ARHGAP21: variants seen among roughly 807,000 people sequenced by gnomAD.
ARHGAP21 encodes the protein Rho GTPase activating protein 21.
ARHGAP21 carries 38 observed loss-of-function variants against 164.6 expected under a neutral mutation model. The observed-to-expected ratio is 0.23, with a 90% CI of 0.18 to 0.30. The LOEUF (loss-of-function observed/expected upper bound fraction) is 0.30. Among genes scored for constraint, ARHGAP21 ranks in the 10% least tolerant of loss-of-function variants. The pLI, the probability that ARHGAP21 is intolerant of heterozygous loss-of-function variation, is 1.00. For missense variants in ARHGAP21, 1,822 were observed against 2,370.7 expected (o/e 0.77, Z 4.81); for synonymous variants, 766 against 857.9 (o/e 0.89, Z 1.87).
chr10:24,661,460 T>G (rs1839687778), intron 4 of ARHGAP21, among the ~76,000 whole-genome samples: 1 of 152,052 alleles, frequency 6.6e-6, no homozygotes, highest in South Asian at 2.1e-4. Flanking sequence ...AAAAGAAAAT[T>G]AAGTGGCAAA....
At chr10:24,592,570 G>T (rs2130786525) in intron 21 of ARHGAP21, among the ~76,000 whole-genome samples, 1 of 151,996 alleles carries the variant, frequency 6.6e-6, no homozygotes, top group East Asian at 1.9e-4. Flanking sequence ...CACTTTGGGG[G>T]ACCGAGTCAG....
At chr10:24,709,811 T>C (rs1388089506) in intron 2 of ARHGAP21, among the ~76,000 whole-genome samples, 2 of 147,410 alleles carry the variant, frequency 1.4e-5, no homozygotes, top group Non-Finnish European at 3.0e-5. Flanking sequence ...TACAGACCAA[T>C]ATCCCTGACG....
At chr10:24,672,909 C>G (rs957976635) in intron 2 of ARHGAP21, among the ~76,000 whole-genome samples, 1 of 151,948 alleles carries the variant, frequency 6.6e-6, no homozygotes, top group Non-Finnish European at 1.5e-5. Context: ...TTTCCATATA[C>G]TAGCAATAAG....
At chr10:24,711,477 T>C (rs770228599) in intron 2 of ARHGAP21, among the ~76,000 whole-genome samples, 1 of 152,246 alleles carries the variant, frequency 6.6e-6, no homozygotes, top group Non-Finnish European at 1.5e-5. Flanking sequence ...CATCTTCATC[T>C]GTAAAATCCT....
chr10:24,681,922 A>G (rs186172491), intron 2 of ARHGAP21, among the ~76,000 whole-genome samples: 27 of 152,278 alleles, frequency 1.8e-4, no homozygotes, highest in African/African-American at 6.5e-4. Flanking sequence ...CACTCTGACT[A>G]GACTGCCCGG....
chr10:24,692,355 C>T (rs192675907), intron 2 of ARHGAP21, among the ~76,000 whole-genome samples: 165 of 152,022 alleles, frequency 1.1e-3, no homozygotes, highest in African/African-American at 3.1e-3. Context: ...GTATAGATTA[C>T]GGGGGGAAAA....
intron 6 of ARHGAP21, 89 bp downstream of exon 6, chr10:24,633,313 C>A: frequency 4.2e-6 from 4 of 954,252 alleles, no homozygotes; most frequent in South Asian, 1.7e-5. Context: ...CACCACAATT[C>A]CTTGTAAGAA....
At chr10:24,602,172 T>C (rs2130915041) in intron 12 of ARHGAP21, 69 bp from the exon 13 acceptor site, 1 of 1,512,528 alleles carries the variant, frequency 6.6e-7, no homozygotes. Context: ...ACATGGAAAC[T>C]GCTTTGTGGA....
At position 24,612,218 on chromosome 10, in the gene ARHGAP21, C is replaced by T. The variant is rs143528503; in HGVS notation, c.2423-4315G>A. Among the ~76,000 whole-genome samples the T allele has an allele frequency of 1.6e-3, 247 of 152,172 alleles. 5 individuals are homozygous for T. In the East Asian group the frequency reaches 0.038, roughly 23 times the overall value. ...TCTGCTTTTTATTTCACCTCTGCTA[C>T]GAAGTAGTATTCCTAACCCCTCCCC... On this transcript the variant is annotated intron_variant, in intron 9 of 25. Transcript: ENST00000396432.
chr10:24,589,371 A>C (rs575054584), intron 24 of ARHGAP21, 69 bp from the exon 25 acceptor site: 1 of 1,402,942 alleles, frequency 7.1e-7, no homozygotes, highest in South Asian at 1.2e-5. Context: ...ACAATGCAAA[A>C]CTTATGGAAA....
At chr10:24,615,182 T>G (rs1367538603) in intron 9 of ARHGAP21, among the ~76,000 whole-genome samples, 2 of 152,106 alleles carry the variant, frequency 1.3e-5, no homozygotes, top group Non-Finnish European at 2.9e-5. Context: ...GAAAGTGAAA[T>G]TCCGTCTCAA....
At chr10:24,625,514 T>C (rs1289272404) in intron 7 of ARHGAP21, among the ~76,000 whole-genome samples, 1 of 139,508 alleles carries the variant, frequency 7.2e-6, no homozygotes, top group East Asian at 2.2e-4. Context: ...TTCTTTTTAT[T>C]ATACCTTTCT....
At chr10:24,664,554 CAA>C (rs905581787) in intron 4 of ARHGAP21, among the ~76,000 whole-genome samples, 2 of 136,332 alleles carry the variant, frequency 1.5e-5, no homozygotes, top group African/African-American at 2.6e-5. Flanking sequence ...GATTCCGTCT[CAA>C]AAAAAAAAAA....
At chr10:24,640,306 A>G (rs1414454511) in intron 4 of ARHGAP21, 2 of 151,042 alleles carry the variant, frequency 1.3e-5, no homozygotes, top group African/African-American at 2.4e-5. Context: ...ATATATATAT[A>G]TAAGAAAGAA....
At chr10:24,611,439 C>T (rs2077257809) in intron 9 of ARHGAP21, among the ~76,000 whole-genome samples, 1 of 152,294 alleles carries the variant, frequency 6.6e-6, no homozygotes, top group African/African-American at 2.4e-5. Context: ...CGCGGTGGCT[C>T]ATGCCTGTAA....
chr10:24,722,434 G>A (rs1846023199), intron 1 of ARHGAP21, 155 bp from the exon 2 acceptor site: 1 of 155,430 alleles, frequency 6.4e-6, no homozygotes, highest in Non-Finnish European at 1.4e-5. Flanking sequence ...ATTCGAGGGG[G>A]TGTTTAAAAA....
At chr10:24,657,075 T>G (rs1303541248) in intron 4 of ARHGAP21, among the ~76,000 whole-genome samples, 193 of 21,338 alleles carry the variant, frequency 9.0e-3, no homozygotes, top group Admixed American at 0.016. Flanking sequence ...GAGGTGGGGG[T>G]GTCAGCCCCC....
intron 2 of ARHGAP21, among the ~76,000 whole-genome samples, chr10:24,675,315 AG>A (rs1841106711): frequency 6.6e-6 from 1 of 152,240 alleles, no homozygotes; most frequent in Non-Finnish European, 1.5e-5. Flanking sequence ...AAAGAAGAAG[AG>A]GAGGAGGAGA....
chr10:24,704,043 T>A (rs1419010622), intron 2 of ARHGAP21, among the ~76,000 whole-genome samples: 1 of 152,170 alleles, frequency 6.6e-6, no homozygotes, highest in Non-Finnish European at 1.5e-5. Context: ...CTAAATGATC[T>A]GACAACAGTG....
Sources: gnomAD v4.1 joint callset for allele counts (sites outside exome capture counted in the v4.1 genomes callset) on GRCh38, gnomAD v4.1.1 for gene constraint, MANE v1.5 for transcripts, NCBI Gene and HGNC (gene_info 2026-07-23, HGNC 2026-07-21) for gene names.